Variants in GRK5 observed in about 807,000 individuals in gnomAD.
GRK5 encodes G protein-coupled receptor kinase 5, also known as g protein-coupled receptor kinase GRK5.
Under a neutral mutation model 78.4 loss-of-function variants are expected in GRK5, and 40 were observed. That is an observed-to-expected ratio of 0.51 (90% CI 0.40 to 0.66). The LOEUF (loss-of-function observed/expected upper bound fraction) is 0.66. Among genes scored for constraint, GRK5 ranks in the 30% least tolerant of loss-of-function variants. GRK5 has a pLI of 0.00. For missense variants in GRK5, 598 were observed against 759.9 expected (o/e 0.79, Z 2.50); for synonymous variants, 289 against 296.8 (o/e 0.97, Z 0.27).
intron 8 of GRK5, among the ~76,000 whole-genome samples, chr10:119,432,808 C>T (rs1183880536): frequency 6.6e-6 from 1 of 152,196 alleles, no homozygotes. Context: ...CGGTGGCTCA[C>T]GCCTGTAATC....
chr10:119,353,916 A>G (rs1020237067), intron 2 of GRK5, among the ~76,000 whole-genome samples: 1 of 147,256 alleles, frequency 6.8e-6, no homozygotes, highest in Non-Finnish European at 1.5e-5. Context: ...CACCAAGGGC[A>G]ATCCATTTTT....
chr10:119,361,624 G>A (rs1444079844), intron 2 of GRK5, among the ~76,000 whole-genome samples: 1 of 152,130 alleles, frequency 6.6e-6, no homozygotes, highest in East Asian at 1.9e-4. Flanking sequence ...CTGGCTAGGG[G>A]CCTATGCTGG....
In GRK5 at chr10:119,405,802, G is replaced by A. The variant is rs73435068; in HGVS notation, c.339+9030G>A. ...CCATCAGTCATTCTCTAGCACTTGC[G>A]TGGTTTTGGCCATGTTTGCAGACTA... On this transcript the variant is annotated intron_variant, in intron 4 of 15. Coordinates refer to ENST00000392870, the MANE Select transcript of GRK5 (RefSeq NM_005308.3). Among the ~76,000 whole-genome samples the A allele has an allele frequency of 1.0e-2, 1,522 of 152,282 alleles. 24 individuals carry two copies. The highest frequency in any genetic ancestry group is 0.035 in the African/African-American group (1,448 of 41,548).
At chr10:119,247,572 G>A (rs1849133202) in intron 1 of GRK5, among the ~76,000 whole-genome samples, 2 of 152,186 alleles carry the variant, frequency 1.3e-5, no homozygotes, top group African/African-American at 4.8e-5. Flanking sequence ...ATGTTTAATA[G>A]CAATTAAAAC....
At chr10:119,350,519 G>T (rs1000731613) in intron 2 of GRK5, among the ~76,000 whole-genome samples, 1 of 152,178 alleles carries the variant, frequency 6.6e-6, no homozygotes, top group Admixed American at 6.6e-5. Flanking sequence ...TTGGAATCTG[G>T]TGTTTTCAGA....
In GRK5 at chr10:119,333,492, C is replaced by A. The variant is rs532525288; in HGVS notation, c.148+6881C>A. 8 of 265,844 alleles carry A rather than the reference C, an allele frequency of 3.0e-5. No individual in the cohort carries two copies. In the East Asian group the frequency reaches 9.2e-4, roughly 31 times the overall value. 16.5% of individuals were successfully genotyped at this position (265,844 alleles called of 1,614,324 possible). A position where few individuals can be genotyped will look rare whatever the true frequency, so the allele number is the denominator to read the frequency against. On this transcript the variant is annotated intron_variant, in intron 2 of 15. Coordinates refer to ENST00000392870, the MANE Select transcript of GRK5 (RefSeq NM_005308.3). ...GGACTGGAGAGCATCTTGTCCACCA[C>A]CCATTGGTGGTGGAGTAAACAGGCT...
At position 119,442,015 on chromosome 10, in the gene GRK5, A is replaced by G; in HGVS notation, c.984A>G (p.Ser328=). The change falls in exon 11 of 16, where the codon TCA becomes TCG. Residue 328 remains serine (S), a synonymous_variant. Coordinates refer to ENST00000392870, the MANE Select transcript of GRK5 (RefSeq NM_005308.3). ...CCCCCTCAGGCCACATTAGGATCTCAGACCTGGGCTTGGCTGTGAAGATCC... is the reference window on the plus strand; with the variant it reads ...CCCCCTCAGGCCACATTAGGATCTCGGACCTGGGCTTGGCTGTGAAGATCC... ...LLDDYGHIRI[S]DLGLAVKIPE... is the part of the protein sequence containing the mutation. 1 of 1,613,760 alleles carries G rather than the reference A, an allele frequency of 6.2e-7. No individual in the cohort carries two copies. The highest frequency in any genetic ancestry group is 8.5e-7 in the Non-Finnish European group (1 of 1,179,734).
chr10:119,405,057 A>G (rs543479977), intron 4 of GRK5, among the ~76,000 whole-genome samples: 1 of 152,192 alleles, frequency 6.6e-6, no homozygotes, highest in Non-Finnish European at 1.5e-5. Flanking sequence ...GCAGTGCCCC[A>G]CCGCAATTAC....
intron 1 of GRK5, among the ~76,000 whole-genome samples, chr10:119,249,428 G>A (rs1030230254): frequency 2.0e-5 from 3 of 152,142 alleles, no homozygotes; most frequent in African/African-American, 7.2e-5. Context: ...TAAATATTAT[G>A]TGACACACCA....
intron 2 of GRK5, among the ~76,000 whole-genome samples, chr10:119,335,413 G>T (rs1850867051): frequency 1.3e-5 from 2 of 151,876 alleles, no homozygotes; most frequent in African/African-American, 2.4e-5. Context: ...CCCCAGGCTG[G>T]AGTGCAGTGG....
intron 10 of GRK5, among the ~76,000 whole-genome samples, chr10:119,441,125 C>T (rs1263241157): frequency 1.3e-5 from 2 of 152,210 alleles, no homozygotes; most frequent in Non-Finnish European, 2.9e-5. Flanking sequence ...GGTCGGAGGG[C>T]CCAGGCCTGC....
intron 6 of GRK5, among the ~76,000 whole-genome samples, chr10:119,428,106 C>T (rs571908124): frequency 2.6e-5 from 4 of 152,252 alleles, no homozygotes; most frequent in Non-Finnish European, 4.4e-5. Flanking sequence ...GAGCTGTGTT[C>T]GCCATGCCCA....
At chr10:119,330,510 G>A (rs926765006) in intron 2 of GRK5, among the ~76,000 whole-genome samples, 5 of 152,092 alleles carry the variant, frequency 3.3e-5, no homozygotes, top group Admixed American at 2.6e-4. Context: ...ATAACGTCAC[G>A]CTGGGGGTTA....
intron 2 of GRK5, among the ~76,000 whole-genome samples, chr10:119,347,434 T>C (rs1851115581): frequency 1.3e-5 from 2 of 152,222 alleles, no homozygotes; most frequent in Non-Finnish European, 2.9e-5. Context: ...TTTGTATGTG[T>C]CCGTGCATGT....
chr10:119,407,517 A>G (rs1852261682), intron 4 of GRK5, among the ~76,000 whole-genome samples: 1 of 152,270 alleles, frequency 6.6e-6, no homozygotes, highest in Non-Finnish European at 1.5e-5. Context: ...TGTTGCCGGA[A>G]GTTCTACTAG....
chr10:119,450,116 G>C (rs1334933880), intron 13 of GRK5, among the ~76,000 whole-genome samples: 1 of 152,190 alleles, frequency 6.6e-6, no homozygotes, highest in African/African-American at 2.4e-5. Context: ...GCCACTCCTT[G>C]GTGTTCCAGG....
intron 1 of GRK5, among the ~76,000 whole-genome samples, chr10:119,240,302 G>T (rs1849003915): frequency 7.2e-6 from 1 of 139,566 alleles, no homozygotes. Context: ...CTGGGTTCAT[G>T]CCATTCTCCT....
At chr10:119,290,876 AG>A (rs2133703089) in intron 1 of GRK5, among the ~76,000 whole-genome samples, 1 of 152,020 alleles carries the variant, frequency 6.6e-6, no homozygotes, top group South Asian at 2.1e-4. Flanking sequence ...TCCTCTAAGG[AG>A]GGGCTGCTTT....
intron 1 of GRK5, among the ~76,000 whole-genome samples, chr10:119,288,353 AG>A (rs1409695386): frequency 6.6e-6 from 1 of 152,208 alleles, no homozygotes; most frequent in Admixed American, 6.5e-5. Context: ...GCTCCATGGC[AG>A]CCAGGACCTT....
Sources: gnomAD v4.1 joint callset for allele counts (sites outside exome capture counted in the v4.1 genomes callset) on GRCh38, gnomAD v4.1.1 for gene constraint, MANE v1.5 for transcripts, NCBI Gene and HGNC (gene_info 2026-07-23, HGNC 2026-07-21) for gene names.